The following VOPP1 variants were observed in gnomAD, a reference collection of about 807,000 sequenced individuals.
VOPP1 encodes the protein WW domain binding protein VOPP1.
In VOPP1, 8 loss-of-function variants were observed where a neutral mutation model predicts 23.5. The ratio of observed to expected loss-of-function variants is 0.34; its 90% CI spans 0.20 to 0.61. The LOEUF (loss-of-function observed/expected upper bound fraction) is 0.61. VOPP1 is among the 20% of genes least tolerant of loss of function. The pLI, the probability that VOPP1 is intolerant of heterozygous loss-of-function variation, is 0.78. For missense variants in VOPP1, 174 were observed against 238.1 expected, an observed-to-expected ratio of 0.73 and a Z score of 1.77; for synonymous variants, 83 against 97.3, an observed-to-expected ratio of 0.85 and a Z score of 0.86.
At chr7:55,476,791 C>A (rs1792291292) in intron 4 of VOPP1, among the ~76,000 whole-genome samples, 1 of 152,194 alleles carries the variant, frequency 6.6e-6, no homozygotes, top group Non-Finnish European at 1.5e-5. Context: ...TCGTTCCTGC[C>A]ACCCAAGCTG....
chr7:55,463,512 T>C (rs1363425518), intron 4 of VOPP1, among the ~76,000 whole-genome samples: 1 of 152,142 alleles, frequency 6.6e-6, no homozygotes, highest in Admixed American at 6.5e-5. Flanking sequence ...GGGGCAGTAG[T>C]TTAGTTTCCA....
chr7:55,547,022 T>C (rs2129052586), intron 1 of VOPP1, among the ~76,000 whole-genome samples: 1 of 152,366 alleles, frequency 6.6e-6, no homozygotes, highest in South Asian at 2.1e-4. Context: ...CGACCCACAT[T>C]CTGCCAACCG....
rs556716511 is a variant in VOPP1, at chr7:55,480,570, T to C, written c.329-7525A>G. Among the ~76,000 whole-genome samples, 19 of 152,388 alleles carry C rather than the reference T, an allele frequency of 1.2e-4. No individual in the cohort carries two copies. In the South Asian group the frequency reaches 3.1e-3, roughly 25 times the overall value. On this transcript the variant is annotated intron_variant, in intron 4 of 4. Coordinates refer to ENST00000285279, the MANE Select transcript of VOPP1 (RefSeq NM_030796.5). The stretch of plus-strand genomic sequence containing the variant: ...TTTTACAATTAATTTGTATTTCATT[T>C]ATAATTTCTCCCATCTCTACTTCCC...
chr7:55,542,710 A>G (rs1288176720), intron 1 of VOPP1, among the ~76,000 whole-genome samples: 1 of 151,924 alleles, frequency 6.6e-6, no homozygotes, highest in Non-Finnish European at 1.5e-5. Flanking sequence ...GAATCACTTG[A>G]ACCCTAGAAG....
intron 1 of VOPP1, chr7:55,552,522 A>C (rs1797651440): frequency 7.0e-7 from 1 of 1,437,848 alleles, no homozygotes; most frequent in African/African-American, 1.4e-5. Flanking sequence ...CCATGCTTAC[A>C]CATGCCCAGC....
chr7:55,476,717 C>T (rs765750433), intron 4 of VOPP1, among the ~76,000 whole-genome samples: 26 of 152,166 alleles, frequency 1.7e-4, no homozygotes, highest in Non-Finnish European at 3.7e-4. Flanking sequence ...GCTCTGTCCC[C>T]TCTGGCCCAG....
intron 4 of VOPP1, among the ~76,000 whole-genome samples, chr7:55,441,181 C>T (rs1790955961): frequency 1.3e-5 from 2 of 152,328 alleles, no homozygotes; most frequent in African/African-American, 2.4e-5. Context: ...GTCTCCACAG[C>T]CTTCCTGGAA....
At chr7:55,537,785 C>A in intron 1 of VOPP1, 1 of 1,209,846 alleles carries the variant, frequency 8.3e-7, no homozygotes, top group Non-Finnish European at 1.1e-6. Context: ...CACCAAGGAA[C>A]ATGCACTTCC....
intron 4 of VOPP1, among the ~76,000 whole-genome samples, chr7:55,442,889 G>A (rs1407111777): frequency 2.0e-5 from 3 of 152,158 alleles, no homozygotes; most frequent in East Asian, 3.8e-4. Context: ...GGCTGAGGCA[G>A]GTGGATCACG....
chr7:55,435,758 G>A (rs1402161583), downstream of VOPP1, among the ~76,000 whole-genome samples: 1 of 152,260 alleles, frequency 6.6e-6, no homozygotes, highest in African/African-American at 2.4e-5. Context: ...AAATCTGACT[G>A]TTCCCAGCTC....
chr7:55,448,786 G>A (rs1340494434), intron 4 of VOPP1, among the ~76,000 whole-genome samples: 2 of 152,234 alleles, frequency 1.3e-5, no homozygotes, highest in South Asian at 2.1e-4. Context: ...CGGTGGGCCC[G>A]GACGAGGGGG....
intron 4 of VOPP1, among the ~76,000 whole-genome samples, chr7:55,465,030 T>C (rs1448706150): frequency 1.3e-5 from 2 of 152,184 alleles, no homozygotes; most frequent in Admixed American, 6.5e-5. Context: ...TCCGAGCTGA[T>C]TGCAGCTGGA....
chr7:55,543,044 T>C (rs992977257), intron 1 of VOPP1, among the ~76,000 whole-genome samples: 2 of 151,934 alleles, frequency 1.3e-5, no homozygotes, highest in African/African-American at 2.4e-5. Flanking sequence ...GCCTCTCGAG[T>C]AGCTGGGAAT....
At chr7:55,445,079 A>C (rs1297480891) in intron 4 of VOPP1, among the ~76,000 whole-genome samples, 2 of 152,154 alleles carry the variant, frequency 1.3e-5, no homozygotes, top group Admixed American at 6.5e-5. Flanking sequence ...TATTAGGTAC[A>C]TTTTCTATTT....
At chr7:55,526,473 T>C (rs1445410169) in intron 1 of VOPP1, among the ~76,000 whole-genome samples, 2 of 152,292 alleles carry the variant, frequency 1.3e-5, no homozygotes, top group Admixed American at 6.5e-5. Flanking sequence ...AACACTGATG[T>C]TGAGTGCTTC....
chr7:55,512,397 G>T (rs1466732419), intron 2 of VOPP1, among the ~76,000 whole-genome samples: 2 of 152,070 alleles, frequency 1.3e-5, no homozygotes, highest in Non-Finnish European at 2.9e-5. Flanking sequence ...CTGCATTCCA[G>T]CCTGGGCAAG....
At chr7:55,535,229 A>AG (rs1796716022) in intron 1 of VOPP1, among the ~76,000 whole-genome samples, 1 of 152,192 alleles carries the variant, frequency 6.6e-6, no homozygotes, top group South Asian at 2.1e-4. Flanking sequence ...GAAAATCTCC[A>AG]GGGGCTCCCC....
chr7:55,497,567 GGGGC>G, intron 3 of VOPP1, 42 bp downstream of exon 3: 1 of 1,342,916 alleles, frequency 7.4e-7, no homozygotes, highest in Non-Finnish European at 1.0e-6. Flanking sequence ...GGGGGGGGGG[GGGGC>G]AGAGCTCTCG....
Position 55,542,834 on chromosome 7 carries a change from G to A in VOPP1, c.55-21704C>T, listed in dbSNP as rs546533978. On this transcript the variant is annotated intron_variant, in intron 1 of 4. Transcript: ENST00000285279. ...CAGAACAGGCAATATTTGTTTTTCT[G>A]TGCCTGGCTTATTTCACTTAATGTT... Among the ~76,000 whole-genome samples, 91 of 150,834 alleles carry A rather than the reference G, an allele frequency of 6.0e-4. 1 individual carries two copies. Among genetic ancestry groups the A allele is most frequent in the African/African-American group, 2.1e-3 (85 of 41,244 alleles).
Sources: gnomAD v4.1 joint callset for allele counts (sites outside exome capture counted in the v4.1 genomes callset) on GRCh38, gnomAD v4.1.1 for gene constraint, MANE v1.5 for transcripts, NCBI Gene and HGNC (gene_info 2026-07-23, HGNC 2026-07-21) for gene names.